The following PLS1 variants were observed in gnomAD, a reference collection of about 807,000 sequenced individuals.
PLS1 encodes plastin 1, also known as plastin-1.
Under a neutral mutation model 73.7 loss-of-function variants are expected in PLS1, and 32 were observed. The ratio of observed to expected loss-of-function variants is 0.43; its 90% CI spans 0.33 to 0.58. The LOEUF (loss-of-function observed/expected upper bound fraction) is 0.58, where lower values mean the gene tolerates loss of function less well. Among genes scored for constraint, PLS1 ranks in the 20% least tolerant of loss-of-function variants. PLS1 has a pLI of 0.04. For missense variants in PLS1, 633 were observed against 740.5 expected, an observed-to-expected ratio of 0.85 and a Z score of 1.68; for synonymous variants, 217 against 261.3, an observed-to-expected ratio of 0.83 and a Z score of 1.63.
At chr3:142,615,998 A>T (rs917096204) in intron 1 of PLS1, among the ~76,000 whole-genome samples, 6 of 152,212 alleles carry the variant, frequency 3.9e-5, no homozygotes, top group Non-Finnish European at 7.3e-5. Flanking sequence ...CCGTTTGGTG[A>T]TTCTATTGCA....
chr3:142,685,912 C>T (rs1484678599), intron 8 of PLS1, among the ~76,000 whole-genome samples: 1 of 152,172 alleles, frequency 6.6e-6, no homozygotes, highest in Admixed American at 6.5e-5. Context: ...GCAAGGGGTG[C>T]TGTGCACTAC....
At chr3:142,668,568 TC>T (rs994791392) in intron 2 of PLS1, among the ~76,000 whole-genome samples, 33 of 151,840 alleles carry the variant, frequency 2.2e-4, no homozygotes, top group African/African-American at 7.3e-4. Flanking sequence ...GAGTGGGTGC[TC>T]CCTTTTTAGC....
At chr3:142,600,468 G>GA (rs972125526) in intron 1 of PLS1, among the ~76,000 whole-genome samples, 1 of 152,118 alleles carries the variant, frequency 6.6e-6, no homozygotes, top group African/African-American at 2.4e-5. Context: ...TGGTGTTTAT[G>GA]ACCCAAGAAC....
intron 1 of PLS1, among the ~76,000 whole-genome samples, chr3:142,630,938 A>AACACACACACAC (rs140962182): frequency 0.094 from 12,853 of 137,292 alleles, 678 homozygotes; most frequent in African/African-American, 0.13. Flanking sequence ...CATGTAAATA[A>AACACACACACAC]ACACACACAC....
At chr3:142,625,267 AT>A (rs2036398939) in intron 1 of PLS1, among the ~76,000 whole-genome samples, 1 of 152,120 alleles carries the variant, frequency 6.6e-6, no homozygotes, top group Non-Finnish European at 1.5e-5. Context: ...CTAAGTGCTG[AT>A]TTTAAGGCAC....
At chr3:142,607,277 A>G (rs530217596) in intron 1 of PLS1, among the ~76,000 whole-genome samples, 128 of 141,922 alleles carry the variant, frequency 9.0e-4, no homozygotes, top group Non-Finnish European at 1.6e-3. Flanking sequence ...CCCTATTATT[A>G]ACATATATAT....
chr3:142,612,629 ATACTCCTAGC>A (rs1296638993), intron 1 of PLS1, among the ~76,000 whole-genome samples: 1 of 152,112 alleles, frequency 6.6e-6, no homozygotes, highest in African/African-American at 2.4e-5. Flanking sequence ...TTGTGCACCT[ATACTCCTAGC>A]TACTGAAGAG....
At chr3:142,618,067 G>A (rs1032954944) in intron 1 of PLS1, among the ~76,000 whole-genome samples, 2 of 152,180 alleles carry the variant, frequency 1.3e-5, no homozygotes, top group African/African-American at 4.8e-5. Flanking sequence ...CTCAGGAAGG[G>A]TTAAGACAAA....
intron 14 of PLS1, 41 bp downstream of exon 14, chr3:142,704,627 A>G: frequency 1.5e-6 from 1 of 677,320 alleles, no homozygotes; most frequent in South Asian, 1.9e-5. Flanking sequence ...TTGTAGGTAT[A>G]GGAAGGAATT....
intron 1 of PLS1, chr3:142,656,502 A>T (rs1202667849): frequency 1.3e-5 from 2 of 152,254 alleles, no homozygotes; most frequent in Non-Finnish European, 2.9e-5. Context: ...TAGACATTCC[A>T]GTTAAAGAAA....
intron 1 of PLS1, among the ~76,000 whole-genome samples, chr3:142,615,986 G>A (rs2036208291): frequency 6.6e-6 from 1 of 152,202 alleles, no homozygotes; most frequent in Admixed American, 6.5e-5. Context: ...GTTTTAACAA[G>A]CCCGTTTGGT....
rs570702240 is a variant in PLS1, at chr3:142,626,819, G to A, written c.-37+30310G>A. 7.2e-5 allele frequency among the ~76,000 whole-genome samples: 11 copies of A among 152,312 alleles called. No homozygotes were observed. In the South Asian group the frequency reaches 2.3e-3, roughly 32 times the overall value. Reference sequence around the variant, plus strand: ...AAAGCTACTTGCTTATTTAGTGAGTGTAGCTTTGGTATCAACTGGGTTATA... The same window carrying A: ...AAAGCTACTTGCTTATTTAGTGAGTATAGCTTTGGTATCAACTGGGTTATA... On this transcript the variant is annotated intron_variant, in intron 1 of 15. Coordinates refer to ENST00000457734, the MANE Select transcript of PLS1 (RefSeq NM_001145319.2).
rs139785428 is a variant in PLS1, at chr3:142,651,075, G to A, written c.-36-13127G>A. Among the ~76,000 whole-genome samples the A allele has an allele frequency of 7.7e-4, 117 of 152,300 alleles. No individual in the cohort carries two copies. The East Asian group carries it at 0.019, about 24-fold the overall frequency. ...CTGAGGTTGGGTTTTGACAAATTTA[G>A]AGAGCAAATGTTTTCTTCTGGCCCT... is the stretch of plus-strand genomic sequence containing the variant. On this transcript the variant is annotated intron_variant, in intron 1 of 15. Transcript: ENST00000457734.
At chr3:142,710,018 G>A (rs975027705) in intron 14 of PLS1, among the ~76,000 whole-genome samples, 1 of 152,008 alleles carries the variant, frequency 6.6e-6, no homozygotes, top group Non-Finnish European at 1.5e-5. Context: ...TAGAGATTAG[G>A]AAAGGGTGCT....
chr3:142,681,424 C>T (rs1013448826), intron 6 of PLS1, among the ~76,000 whole-genome samples: 1 of 152,108 alleles, frequency 6.6e-6, no homozygotes, highest in Non-Finnish European at 1.5e-5. Flanking sequence ...ATGGTAATTT[C>T]TATTAGTGAT....
intron 14 of PLS1, among the ~76,000 whole-genome samples, chr3:142,706,567 G>A (rs2038467018): frequency 6.6e-6 from 1 of 152,114 alleles, no homozygotes; most frequent in South Asian, 2.1e-4. Context: ...TGAGTAAAGG[G>A]GGTAATAAGA....
chr3:142,648,916 C>T (rs112663212), intron 1 of PLS1, among the ~76,000 whole-genome samples: 20 of 152,178 alleles, frequency 1.3e-4, no homozygotes, highest in Non-Finnish European at 2.8e-4. Flanking sequence ...AGGGACTTGC[C>T]ACTCAGTGTA....
intron 12 of PLS1, among the ~76,000 whole-genome samples, chr3:142,702,323 T>A (rs962029865): frequency 1.3e-5 from 2 of 152,360 alleles, no homozygotes; most frequent in Non-Finnish European, 2.9e-5. Context: ...TCCATTTTTA[T>A]TTGTAGTAAA....
chr3:142,625,529 G>A (rs1203965057), intron 1 of PLS1, among the ~76,000 whole-genome samples: 1 of 151,920 alleles, frequency 6.6e-6, no homozygotes, highest in Non-Finnish European at 1.5e-5. Flanking sequence ...TTGGAGCGGT[G>A]GTCCCCAGGC....
Sources: allele counts gnomAD v4.1 joint callset (sites outside exome capture counted in the v4.1 genomes callset), GRCh38; gene constraint gnomAD v4.1.1; transcripts MANE v1.5; gene names NCBI Gene and HGNC (gene_info 2026-07-23, HGNC 2026-07-21).